Variants in CHST11 observed in about 807,000 individuals in gnomAD.
CHST11 encodes the protein carbohydrate sulfotransferase 11.
Under a neutral mutation model 30.4 loss-of-function variants are expected in CHST11, and 9 were observed. The observed-to-expected ratio is 0.30, with a 90% confidence interval of 0.18 to 0.52. CHST11 has a LOEUF of 0.52. CHST11 is among the 20% of genes least tolerant of loss of function. CHST11 has a pLI of 0.97. For synonymous variants in CHST11, 152 were observed against 187.8 expected, an observed-to-expected ratio of 0.81 and a Z score of 1.56; for missense variants, 348 against 460.6, an observed-to-expected ratio of 0.76 and a Z score of 2.24.
At position 104,578,236 on chromosome 12, in the gene CHST11, C is replaced by G. The variant is rs2038704139; in HGVS notation, c.119-23670C>G. ...TAGGATCTCAGCCCATCACTGACTT[C>G]CTGGTCTCCAGACCCATTGACTTGC... is the stretch of plus-strand genomic sequence containing the variant. On this transcript the variant is annotated intron_variant, in intron 1 of 2. Transcript: ENST00000303694. Among the ~76,000 whole-genome samples, 3 of 152,320 alleles carry G rather than the reference C, an allele frequency of 2.0e-5. No individual in the cohort carries two copies. The South Asian group carries it at 6.2e-4, about 32-fold the overall frequency.
chr12:104,709,490 G>A (rs1217959875), intron 2 of CHST11, among the ~76,000 whole-genome samples: 1 of 152,202 alleles, frequency 6.6e-6, no homozygotes, highest in African/African-American at 2.4e-5. Flanking sequence ...TGCCAGCTCT[G>A]GGTGGGGCCG....
intron 1 of CHST11, among the ~76,000 whole-genome samples, chr12:104,499,012 C>CA (rs1255040858): frequency 6.6e-6 from 1 of 152,198 alleles, no homozygotes; most frequent in African/African-American, 2.4e-5. Context: ...TTCAGTGGCT[C>CA]ACTATTGCCA....
intron 2 of CHST11, among the ~76,000 whole-genome samples, chr12:104,620,672 C>A (rs942464523): frequency 6.6e-6 from 1 of 152,068 alleles, no homozygotes; most frequent in Admixed American, 6.6e-5. Context: ...CAGAGTAAAG[C>A]GTCATTTTTC....
At chr12:104,492,430 A>G (rs552941510) in intron 1 of CHST11, among the ~76,000 whole-genome samples, 3 of 152,188 alleles carry the variant, frequency 2.0e-5, no homozygotes, top group Admixed American at 6.5e-5. Flanking sequence ...CCTTGTTATC[A>G]TCCATTTCCC....
intron 1 of CHST11, among the ~76,000 whole-genome samples, chr12:104,475,151 C>T (rs753911540): frequency 6.6e-6 from 1 of 152,188 alleles, no homozygotes; most frequent in South Asian, 2.1e-4. Flanking sequence ...TGAATAATTA[C>T]TGTTCATGCA....
At position 104,739,673 on chromosome 12, in the gene CHST11, AT is replaced by A. The variant is rs774771788; in HGVS notation, c.205-17274del. Among the ~76,000 whole-genome samples, 129 of 152,344 alleles carry A rather than the reference AT, an allele frequency of 8.5e-4. 1 individual carries two copies. Among genetic ancestry groups the A allele is most frequent in the Non-Finnish European group, 1.4e-3 (96 of 68,034 alleles). On this transcript the variant is annotated intron_variant, in intron 2 of 2. Coordinates refer to ENST00000303694, the MANE Select transcript of CHST11 (RefSeq NM_018413.6). ...AAAAAACTTTTAACTGTGAATATTA[AT>A]TGCTTGTCCCTTAAGAGCAGCTGTG... is the stretch of plus-strand genomic sequence containing the variant.
intron 1 of CHST11, among the ~76,000 whole-genome samples, chr12:104,504,935 G>GTT (rs2037889461): frequency 6.6e-6 from 1 of 152,188 alleles, no homozygotes; most frequent in African/African-American, 2.4e-5. Flanking sequence ...AGGCAGCAAG[G>GTT]TTTGGGGAAG....
At chr12:104,726,831 A>G (rs1447698313) in intron 2 of CHST11, among the ~76,000 whole-genome samples, 1 of 152,250 alleles carries the variant, frequency 6.6e-6, no homozygotes, top group East Asian at 1.9e-4. Flanking sequence ...TAAGGAACCC[A>G]TAGCAAGATC....
intron 2 of CHST11, among the ~76,000 whole-genome samples, chr12:104,664,812 T>C (rs976979476): frequency 6.6e-6 from 1 of 152,206 alleles, no homozygotes; most frequent in Non-Finnish European, 1.5e-5. Flanking sequence ...GGTTATGAAA[T>C]TGCAAGAACT....
At chr12:104,509,048 A>G (rs2037936481) in intron 1 of CHST11, among the ~76,000 whole-genome samples, 1 of 152,078 alleles carries the variant, frequency 6.6e-6, no homozygotes, top group Admixed American at 6.5e-5. Flanking sequence ...TTTCTTAACC[A>G]GCTTCCCCCA....
chr12:104,696,719 T>C (rs2039950782), intron 2 of CHST11, among the ~76,000 whole-genome samples: 1 of 152,114 alleles, frequency 6.6e-6, no homozygotes, highest in Non-Finnish European at 1.5e-5. Context: ...AAATCTCTTT[T>C]GAATCTCCTC....
intron 1 of CHST11, among the ~76,000 whole-genome samples, chr12:104,544,005 T>G (rs2136003460): frequency 6.6e-6 from 1 of 151,590 alleles, no homozygotes; most frequent in East Asian, 1.9e-4. Flanking sequence ...ACACCTGTAG[T>G]CCTGGCTACT....
intron 1 of CHST11, among the ~76,000 whole-genome samples, chr12:104,582,196 G>C (rs984856071): frequency 1.1e-4 from 16 of 152,138 alleles, no homozygotes; most frequent in African/African-American, 3.9e-4. Flanking sequence ...TATCAGGCAG[G>C]TTCTCTCATT....
intron 1 of CHST11, among the ~76,000 whole-genome samples, chr12:104,571,414 C>T (rs968253497): frequency 2.6e-5 from 4 of 151,806 alleles, no homozygotes; most frequent in South Asian, 4.2e-4. Flanking sequence ...CCGCCCGCTT[C>T]GGCCTCCCAA....
intron 2 of CHST11, among the ~76,000 whole-genome samples, chr12:104,642,477 T>G (rs546796444): frequency 6.6e-6 from 1 of 152,210 alleles, no homozygotes; most frequent in Non-Finnish European, 1.5e-5. Flanking sequence ...CGTGGCTTAC[T>G]GCAGCTTCAT....
At chr12:104,568,123 CCAGGAGT>C (rs1179870707) in intron 1 of CHST11, among the ~76,000 whole-genome samples, 1 of 152,120 alleles carries the variant, frequency 6.6e-6, no homozygotes, top group Non-Finnish European at 1.5e-5. Flanking sequence ...TTTTTCTATG[CCAGGAGT>C]CAGAGGTTGG....
At chr12:104,689,942 C>T (rs566860444) in intron 2 of CHST11, among the ~76,000 whole-genome samples, 21 of 152,192 alleles carry the variant, frequency 1.4e-4, no homozygotes, top group South Asian at 1.2e-3. Context: ...AAAACCACTA[C>T]GCAAAAATCA....
At position 104,600,394 on chromosome 12, in the gene CHST11, C is replaced by T. The variant is rs1001497156; in HGVS notation, c.119-1512C>T. Among the ~76,000 whole-genome samples the T allele has an allele frequency of 2.6e-5, 4 of 152,202 alleles. No homozygotes were observed. Among genetic ancestry groups the T allele is most frequent in the African/African-American group, 9.7e-5 (4 of 41,450 alleles). On this transcript the variant is annotated intron_variant, in intron 1 of 2. Transcript: ENST00000303694. This position sits in a 1 kb window ranked among gnomAD's most constrained non-coding sequence, Gnocchi z 4.1. ...ACTCCTCATCAGTCCCCTTGATAGC[C>T]ACAAATAGAGAAGTTCCCGCCTTCC...
At chr12:104,716,169 T>A (rs1329927846) in intron 2 of CHST11, among the ~76,000 whole-genome samples, 1 of 152,230 alleles carries the variant, frequency 6.6e-6, no homozygotes, top group Non-Finnish European at 1.5e-5. Flanking sequence ...CCAGAGCCAA[T>A]GTCGCAGACA....
Sources: allele counts gnomAD v4.1 joint callset (sites outside exome capture counted in the v4.1 genomes callset), GRCh38; gene constraint gnomAD v4.1.1; non-coding constraint Gnocchi (gnomAD v3.1); transcripts MANE v1.5; gene names NCBI Gene and HGNC (gene_info 2026-07-23, HGNC 2026-07-21).